The following MBP variants were observed in gnomAD, a reference collection of about 807,000 sequenced individuals.
The protein encoded by MBP is Golli-MBP.
MBP carries 16 observed loss-of-function variants against 35.8 expected under a neutral mutation model. The observed-to-expected ratio is 0.45, with a 90% CI of 0.30 to 0.68. The LOEUF is 0.68. MBP is among the 30% of genes least tolerant of loss of function. The pLI, the probability that MBP is intolerant of heterozygous loss-of-function variation, is 0.08. For missense variants in MBP, 380 were observed against 404.7 expected, an observed-to-expected ratio of 0.94 and a Z score of 0.52; for synonymous variants, 143 against 159.6, an observed-to-expected ratio of 0.90 and a Z score of 0.78.
chr18:77,042,190 C>T (rs1416594871), intron 3 of MBP, among the ~76,000 whole-genome samples: 8 of 152,250 alleles, frequency 5.3e-5, no homozygotes, highest in Non-Finnish European at 4.4e-5. Context: ...TATTAAGAAG[C>T]GAGGGCAAGG....
chr18:77,111,291 G>A (rs774773449), intron 1 of MBP, among the ~76,000 whole-genome samples: 27 of 152,178 alleles, frequency 1.8e-4, no homozygotes, highest in Non-Finnish European at 1.2e-4. Context: ...TAAGGGAAAC[G>A]CTACTGTGGA....
At chr18:77,084,423 A>G (rs56390811) in intron 2 of MBP, among the ~76,000 whole-genome samples, 94,749 of 127,810 alleles carry the variant, frequency 0.74, 35,002 homozygotes, top group South Asian at 0.8. Context: ...CCCCCCCGCC[A>G]CACCACACCA....
At position 77,009,713 on chromosome 18, in the gene MBP, G is replaced by T. The variant is rs1050584002; in HGVS notation, c.576+7119C>A. The T allele has an allele frequency of 3.3e-5, 24 of 734,584 alleles. No individual in the cohort carries two copies. The Admixed American group carries it at 6.2e-4, about 19-fold the overall frequency. 45.5% of individuals were successfully genotyped at this position (734,584 alleles called of 1,614,324 possible). ...GGGAGGCCTGCCTCCCTGCTTTCAC[G>T]GCCTCACAGATGCCCCGGAGGCTGG... On this transcript the variant is annotated intron_variant, in intron 4 of 8. Coordinates refer to ENST00000355994, the MANE Select transcript of MBP (RefSeq NM_001025101.2).
At chr18:77,092,574 C>T (rs1975579466) in intron 2 of MBP, among the ~76,000 whole-genome samples, 1 of 152,100 alleles carries the variant, frequency 6.6e-6, no homozygotes, top group African/African-American at 2.4e-5. Context: ...ATCAGCCCTG[C>T]TCTGCCGGTT....
At chr18:77,110,495 T>C (rs1036199976) in intron 1 of MBP, 1 of 151,536 alleles carries the variant, frequency 6.6e-6, no homozygotes, top group Non-Finnish European at 1.5e-5. Flanking sequence ...AGATTTCCCA[T>C]GCTTGTGTCA....
intron 2 of MBP, among the ~76,000 whole-genome samples, chr18:77,080,226 C>T (rs745663137): frequency 1.3e-5 from 2 of 152,108 alleles, no homozygotes; most frequent in African/African-American, 2.4e-5. Flanking sequence ...TAGTAAAACA[C>T]GGAAAGCTTT....
chr18:76,990,050 TG>T lies in MBP; in HGVS notation c.586del (p.His196ThrfsTer25). The T allele has an allele frequency of 6.2e-7, 1 of 1,611,838 alleles. No homozygotes were observed. The highest frequency in any genetic ancestry group is 8.5e-7 in the Non-Finnish European group (1 of 1,179,198). On this transcript the variant is annotated frameshift_variant, in exon 5 of 9. Coordinates refer to ENST00000355994, the MANE Select transcript of MBP (RefSeq NM_001025101.2). LOFTEE classifies it high-confidence loss of function. ...PKRGSGKDSH[H>X]PARTAHYGSL... is the part of the protein sequence containing the mutation. ...GCCGTAGTGAGCAGTTCTTGCCGGG[TG>T]GTGTGAGTCCTGAAACACAGAGGCG...
intron 2 of MBP, among the ~76,000 whole-genome samples, chr18:77,092,019 G>A (rs199624414): frequency 1.3e-5 from 2 of 152,110 alleles, no homozygotes; most frequent in East Asian, 3.8e-4. Flanking sequence ...GATTTTTTAG[G>A]TTTCATCTCA....
chr18:76,988,935 G>A lies in MBP; in HGVS notation c.682-23C>T, dbSNP rs1568267207. The A allele has an allele frequency of 2.5e-6, 4 of 1,612,896 alleles. No homozygotes were observed. Among genetic ancestry groups the A allele is most frequent in the South Asian group, 1.1e-5 (1 of 91,052 alleles). ...CACCTGGAAAGACACAGAGAACCGT[G>A]GGCTGCACTGGGAGCCCTGTGCCGC... On this transcript the variant is annotated intron_variant, in intron 5 of 8. Coordinates refer to ENST00000355994, the MANE Select transcript of MBP (RefSeq NM_001025101.2). This position sits in a 1 kb window ranked among gnomAD's most constrained non-coding sequence, Gnocchi z 5.2.
chr18:76,985,265 GC>G, intron 7 of MBP: 5 of 1,332,662 alleles, frequency 3.8e-6, no homozygotes, highest in Non-Finnish European at 4.9e-6. Flanking sequence ...AGGTAAGGAG[GC>G]TCCTGCCTAC....
intron 2 of MBP, among the ~76,000 whole-genome samples, chr18:77,072,358 A>G (rs1370256705): frequency 6.6e-6 from 1 of 152,174 alleles, no homozygotes; most frequent in African/African-American, 2.4e-5. Context: ...TCACCCAGAT[A>G]TTTGCAGAAA....
intron 3 of MBP, among the ~76,000 whole-genome samples, chr18:77,047,429 A>G (rs1426779059): frequency 6.6e-6 from 1 of 152,246 alleles, no homozygotes; most frequent in African/African-American, 2.4e-5. Flanking sequence ...ACGCAAATCC[A>G]CAGGCATGGA....
chr18:77,070,147 C>T (rs57250827), intron 2 of MBP, among the ~76,000 whole-genome samples: 21,052 of 152,160 alleles, frequency 0.14, 1,574 homozygotes, highest in South Asian at 0.24. Flanking sequence ...AGGTGATTTT[C>T]GTGATGATAA....
intron 2 of MBP, among the ~76,000 whole-genome samples, chr18:77,091,880 A>G (rs898227): frequency 0.63 from 95,714 of 152,128 alleles, 33,485 homozygotes; most frequent in East Asian, 0.86. Context: ...CACATACCAC[A>G]TATGCACAGT....
At chr18:77,024,205 C>A (rs1332475072) in intron 3 of MBP, among the ~76,000 whole-genome samples, 1 of 152,164 alleles carries the variant, frequency 6.6e-6, no homozygotes, top group Non-Finnish European at 1.5e-5. Context: ...GAACGCAGCC[C>A]AATACAAATT....
intron 3 of MBP, among the ~76,000 whole-genome samples, chr18:77,059,408 T>C (rs1235070942): frequency 1.3e-5 from 2 of 151,894 alleles, no homozygotes; most frequent in Non-Finnish European, 2.9e-5. Context: ...TAATTATTAA[T>C]TCAATTTGCT....
chr18:77,108,860 T>C (rs1976361284), intron 1 of MBP: 1 of 152,192 alleles, frequency 6.6e-6, no homozygotes, highest in African/African-American at 2.4e-5. Context: ...CTGATTTCAT[T>C]CTCTAGGTAG....
intron 4 of MBP, chr18:77,003,941 C>G (rs1970770486): frequency 6.6e-6 from 1 of 152,066 alleles, no homozygotes; most frequent in Non-Finnish European, 1.5e-5. Flanking sequence ...ACAGCAGACC[C>G]CCTGCAAACT....
At position 77,040,112 on chromosome 18, in the gene MBP, A is replaced by T. The variant is rs193296860; in HGVS notation, c.140-22844T>A. Reference sequence around the variant, plus strand: ...CTGCCTTGACACCCACAAGTGTCTCATACTTCTTTAAGAACCAAATTTTAG... The same window carrying T: ...CTGCCTTGACACCCACAAGTGTCTCTTACTTCTTTAAGAACCAAATTTTAG... On this transcript the variant is annotated intron_variant, in intron 3 of 8. Transcript: ENST00000355994. Among the ~76,000 whole-genome samples the T allele has an allele frequency of 1.1e-3, 168 of 152,360 alleles. 2 individuals carry two copies. Among genetic ancestry groups the T allele is most frequent in the Non-Finnish European group, 1.2e-3 (81 of 68,032 alleles).
Sources: gnomAD v4.1 joint callset for allele counts (sites outside exome capture counted in the v4.1 genomes callset) on GRCh38, gnomAD v4.1.1 for gene constraint, Gnocchi (gnomAD v3.1) non-coding constraint, MANE v1.5 for transcripts, NCBI Gene and HGNC (gene_info 2026-07-23, HGNC 2026-07-21) for gene names.